Variants in NIM1K observed in about 807,000 individuals in gnomAD.
NIM1K encodes serine/threonine-protein kinase NIM1.
A neutral mutation model predicts 37.1 loss-of-function variants in NIM1K; 35 were observed. That is an observed-to-expected ratio of 0.94 (90% CI 0.72 to 1.25). The LOEUF (loss-of-function observed/expected upper bound fraction) is 1.25, where lower values mean the gene tolerates loss of function less well. NIM1K is among the 50% of genes most tolerant of loss of function. The probability of loss-of-function intolerance (pLI) is 0.00; values close to 1 mark genes in which losing one functional copy is unlikely to be tolerated. For synonymous variants in NIM1K, 234 were observed against 206.6 expected (o/e 1.13, Z -1.14); for missense variants, 564 against 548.0 (o/e 1.03, Z -0.29).
intron 1 of NIM1K, among the ~76,000 whole-genome samples, chr5:43,223,255 T>A (rs1468892610): frequency 6.6e-6 from 1 of 151,916 alleles, no homozygotes; most frequent in Non-Finnish European, 1.5e-5. Context: ...TGGGCTTGAA[T>A]CCCAGCTGGG....
At chr5:43,276,388 G>T (rs1468479938) in intron 2 of NIM1K, among the ~76,000 whole-genome samples, 1 of 152,208 alleles carries the variant, frequency 6.6e-6, no homozygotes, top group Middle Eastern at 3.2e-3. Flanking sequence ...CACTTTTAAA[G>T]AACCAGATCT....
At position 43,272,614 on chromosome 5, in the gene NIM1K, C is replaced by T. The variant is rs146655273; in HGVS notation, c.293-4443C>T. On this transcript the variant is annotated intron_variant, in intron 2 of 3. Coordinates refer to ENST00000326035, the MANE Select transcript of NIM1K (RefSeq NM_153361.4). ...GCAACTTTTGTGTCTAGAAGGAAAGCCTCAGCTTCTCTCTACACAAAACTA... is the reference window on the plus strand; with the variant it reads ...GCAACTTTTGTGTCTAGAAGGAAAGTCTCAGCTTCTCTCTACACAAAACTA... 5.9e-5 allele frequency among the ~76,000 whole-genome samples: 9 copies of T among 152,294 alleles called. No homozygotes were observed. In the East Asian group the frequency reaches 1.3e-3, roughly 23 times the overall value.
chr5:43,253,216 G>GAATATATAATATAA (rs763670217), intron 2 of NIM1K, among the ~76,000 whole-genome samples: 1 of 63,324 alleles, frequency 1.6e-5, no homozygotes, highest in African/African-American at 5.4e-5. Context: ...TAATATATGT[G>GAATATATAATATAA]TGTGTGTGTG....
At chr5:43,276,908 A>T (rs1753349839) in intron 2 of NIM1K, 149 bp from the exon 3 acceptor site, 1 of 770,868 alleles carries the variant, frequency 1.3e-6, no homozygotes, top group South Asian at 1.7e-5. Context: ...GCTGGGCTTA[A>T]GCATTGCTTT....
intron 2 of NIM1K, among the ~76,000 whole-genome samples, chr5:43,250,152 G>T (rs558228299): frequency 2.0e-5 from 3 of 151,890 alleles, no homozygotes; most frequent in African/African-American, 7.2e-5. Context: ...GCGCCTGGCC[G>T]GATTAGTTTT....
At chr5:43,224,363 C>T (rs976295013) in intron 1 of NIM1K, among the ~76,000 whole-genome samples, 3 of 151,450 alleles carry the variant, frequency 2.0e-5, no homozygotes, top group Non-Finnish European at 4.4e-5. Context: ...ATCGCTTGAA[C>T]CCGGGAGGCA....
chr5:43,198,406 C>CTCTT (rs34573340), intron 1 of NIM1K, among the ~76,000 whole-genome samples: 8,416 of 149,610 alleles, frequency 0.056, 342 homozygotes, highest in East Asian at 0.2. Flanking sequence ...CGAGCTCGCT[C>CTCTT]TCTTTCTTTC....
intron 1 of NIM1K, among the ~76,000 whole-genome samples, chr5:43,222,686 A>G (rs1353557664): frequency 6.6e-6 from 1 of 151,876 alleles, no homozygotes; most frequent in Non-Finnish European, 1.5e-5. Flanking sequence ...GTGAACTATG[A>G]TCTTGCTACT....
chr5:43,198,168 TTTC>T (rs1315638678), intron 1 of NIM1K, among the ~76,000 whole-genome samples: 3 of 54,074 alleles, frequency 5.5e-5, no homozygotes, highest in African/African-American at 1.3e-4. Flanking sequence ...TCTTTCTTTC[TTTC>T]TTTCTTTCTT....
chr5:43,250,935 T>G (rs2112269315), intron 2 of NIM1K, among the ~76,000 whole-genome samples: 1 of 152,304 alleles, frequency 6.6e-6, no homozygotes, highest in South Asian at 2.1e-4. Flanking sequence ...AAATACTCAT[T>G]CAGTAACTTA....
intron 1 of NIM1K, among the ~76,000 whole-genome samples, chr5:43,235,835 C>T (rs565107017): frequency 1.3e-5 from 2 of 151,672 alleles, no homozygotes; most frequent in African/African-American, 2.4e-5. Context: ...ATGAACTATT[C>T]CCTCCCCATC....
In NIM1K at chr5:43,245,610, C is replaced by A; in HGVS notation, c.-166C>A. On this transcript the variant is annotated 5_prime_UTR_variant, in exon 2 of 4. Transcript: ENST00000326035. ...GCAGACTCAGCTACCACGTTCACTG[C>A]CTTCCTCTCACTAAAGCCGAGAGGG... The A allele has an allele frequency of 3.1e-6, 2 of 635,786 alleles. No homozygotes were observed. Among genetic ancestry groups the A allele is most frequent in the East Asian group, 5.4e-5 (2 of 36,840 alleles). 39.4% of individuals were successfully genotyped at this position (635,786 alleles called of 1,614,324 possible).
chr5:43,199,900 C>T (rs1198069316), intron 1 of NIM1K, among the ~76,000 whole-genome samples: 1 of 152,098 alleles, frequency 6.6e-6, no homozygotes, highest in African/African-American at 2.4e-5. Flanking sequence ...TTTTTTGAGA[C>T]AGAGTTTTGT....
At chr5:43,258,294 C>T (rs1752976281) in intron 2 of NIM1K, among the ~76,000 whole-genome samples, 1 of 152,102 alleles carries the variant, frequency 6.6e-6, no homozygotes, top group African/African-American at 2.4e-5. Context: ...ATGCTCATTG[C>T]CATATATACA....
chr5:43,203,882 T>G (rs757311314), intron 1 of NIM1K, among the ~76,000 whole-genome samples: 9 of 151,544 alleles, frequency 5.9e-5, no homozygotes, highest in Non-Finnish European at 8.8e-5. Flanking sequence ...AAAAATTAGC[T>G]GGGCATGGTG....
intron 1 of NIM1K, chr5:43,206,873 C>G: frequency 1.3e-6 from 1 of 769,722 alleles, no homozygotes. Context: ...ACAAGAACGG[C>G]AGCTTTGCCA....
rs918065676 is a variant in NIM1K at position 43,223,857 on chromosome 5, G to T, written c.-694-21225G>T. ...GTGCTTTGGCAGATCAATGGGCTCA[G>T]GAATCAAAGGCATCAAAGGTGATGT... On this transcript the variant is annotated intron_variant, in intron 1 of 3. Coordinates refer to ENST00000326035, the MANE Select transcript of NIM1K (RefSeq NM_153361.4). 3.9e-5 allele frequency among the ~76,000 whole-genome samples: 6 copies of T among 152,284 alleles called. No homozygotes were observed. In the South Asian group the frequency reaches 1.2e-3, roughly 32 times the overall value.
Position 43,236,835 on chromosome 5 carries a change from G to C in NIM1K, c.-694-8247G>C, listed in dbSNP as rs566462035. On this transcript the variant is annotated intron_variant, in intron 1 of 3. Transcript: ENST00000326035. ...CCCCGCTCTGAGACCAAGTAGGGGA[G>C]AGGTGGTGTCACAGAGCAGAACTGC... is the stretch of plus-strand genomic sequence containing the variant. 5.3e-5 allele frequency among the ~76,000 whole-genome samples: 8 copies of C among 152,350 alleles called. No individual in the cohort carries two copies. In the South Asian group the frequency reaches 1.7e-3, roughly 32 times the overall value.
chr5:43,279,405 A>C (rs539520245), intron 3 of NIM1K, among the ~76,000 whole-genome samples: 1 of 152,276 alleles, frequency 6.6e-6, no homozygotes, highest in African/African-American at 2.4e-5. Flanking sequence ...AGCCCTTGGG[A>C]CTGAACAGGT....
Sources: allele counts gnomAD v4.1 joint callset (sites outside exome capture counted in the v4.1 genomes callset), GRCh38; gene constraint gnomAD v4.1.1; transcripts MANE v1.5; gene names NCBI Gene and HGNC (gene_info 2026-07-23, HGNC 2026-07-21).